Variants in SND1 observed in about 807,000 individuals in gnomAD.
SND1 encodes the protein staphylococcal nuclease domain-containing protein 1.
A neutral mutation model predicts 121.7 loss-of-function variants in SND1; 38 were observed. That is an observed-to-expected ratio of 0.31 (90% CI 0.24 to 0.41). SND1 has a LOEUF of 0.41. Ranked by LOEUF, SND1 falls within the 10% of genes least tolerant of loss-of-function variation. The pLI, the probability that SND1 is intolerant of heterozygous loss-of-function variation, is 1.00. For missense variants in SND1, 868 were observed against 1,184.6 expected (o/e 0.73, Z 3.92); for synonymous variants, 401 against 447.4 (o/e 0.90, Z 1.31).
At chr7:127,688,915 A>G (rs1422291883) in intron 2 of SND1, among the ~76,000 whole-genome samples, 2 of 152,218 alleles carry the variant, frequency 1.3e-5, no homozygotes, top group Non-Finnish European at 2.9e-5. Flanking sequence ...AGTTTTTAAA[A>G]TTATAATAAA....
intron 17 of SND1, among the ~76,000 whole-genome samples, chr7:128,075,302 T>C (rs536150155): frequency 1.1e-4 from 16 of 152,320 alleles, no homozygotes; most frequent in African/African-American, 3.8e-4. Context: ...TTTTGACTTA[T>C]AGCCCGGCCC....
At chr7:127,768,027 A>G (rs1797450887) in intron 10 of SND1, among the ~76,000 whole-genome samples, 1 of 152,168 alleles carries the variant, frequency 6.6e-6, no homozygotes, top group Non-Finnish European at 1.5e-5. Context: ...CCCTTTCCAT[A>G]CGTACCTGTC....
chr7:128,091,986 C>CT lies in SND1; in HGVS notation c.2668-5dup. 1 of 1,614,164 alleles carries CT rather than the reference C, an allele frequency of 6.2e-7. No homozygotes were observed. The highest frequency in any genetic ancestry group is 8.5e-7 in the Non-Finnish European group (1 of 1,180,006). On this transcript the variant is annotated splice_region_variant and splice_polypyrimidine_tract_variant and intron_variant, in intron 23 of 23. Transcript: ENST00000354725. ...CCTGAAGAGCTATTGTCTGTTTTTT[C>CT]TTACAGCTGAACCTGTGGCGCTATG...
intron 16 of SND1, among the ~76,000 whole-genome samples, chr7:128,043,743 C>T (rs1000905972): frequency 6.6e-6 from 1 of 151,312 alleles, no homozygotes; most frequent in Admixed American, 6.6e-5. Flanking sequence ...ATTTCTGCCC[C>T]TTTTCAGATA....
intron 15 of SND1, among the ~76,000 whole-genome samples, chr7:127,944,099 A>C (rs1452534724): frequency 6.6e-6 from 1 of 152,204 alleles, no homozygotes; most frequent in Admixed American, 6.5e-5. Context: ...GCTTGAATGC[A>C]TTTGTGCAGA....
At chr7:127,691,575 AAAAG>A (rs941004433) in intron 2 of SND1, among the ~76,000 whole-genome samples, 8 of 152,056 alleles carry the variant, frequency 5.3e-5, no homozygotes, top group African/African-American at 1.7e-4. Context: ...AAAACAAACT[AAAAG>A]AAGGTAAAAA....
At position 128,029,187 on chromosome 7, in the gene SND1, G is replaced by A. The variant is rs139266176; in HGVS notation, c.1779+38131G>A. 32 of 1,613,976 alleles carry A rather than the reference G, an allele frequency of 2.0e-5. No homozygotes were observed. Among genetic ancestry groups the A allele is most frequent in the South Asian group, 1.5e-4 (14 of 91,070 alleles). ...CACCGTGGTAGAGGTGGTATATGCC[G>A]GCTGGTAACCAGTGGACGTGGTAGG... On this transcript the variant is annotated intron_variant, in intron 16 of 23. Transcript: ENST00000354725. The surrounding 1 kb of genome is among the most constrained non-coding windows in gnomAD (Gnocchi z 4.2).
At chr7:127,969,995 C>T (rs1363273833) in intron 15 of SND1, among the ~76,000 whole-genome samples, 1 of 152,134 alleles carries the variant, frequency 6.6e-6, no homozygotes, top group Non-Finnish European at 1.5e-5. Context: ...GATCCAGTGC[C>T]CTACGCAGCA....
At chr7:127,986,898 T>C (rs1802404925) in intron 15 of SND1, among the ~76,000 whole-genome samples, 1 of 152,258 alleles carries the variant, frequency 6.6e-6, no homozygotes, top group Non-Finnish European at 1.5e-5. Flanking sequence ...GGATTTTTTT[T>C]TAAGTGTAGT....
chr7:127,740,745 G>A (rs907550513), intron 10 of SND1, among the ~76,000 whole-genome samples: 10 of 152,154 alleles, frequency 6.6e-5, no homozygotes, highest in Admixed American at 5.2e-4. Context: ...TGCTTCTGAT[G>A]TGCAGCTAGG....
chr7:127,857,183 CTTTTTTTTTTTTTT>C (rs71522259), intron 12 of SND1, among the ~76,000 whole-genome samples: 1 of 67,944 alleles, frequency 1.5e-5, no homozygotes, highest in Non-Finnish European at 3.0e-5. Flanking sequence ...AATGTCAACA[CTTTTTTTTTTTTTT>C]TTTTTTTTTT....
At chr7:128,082,940 C>T (rs974237151) in intron 18 of SND1, among the ~76,000 whole-genome samples, 1 of 152,162 alleles carries the variant, frequency 6.6e-6, no homozygotes, top group African/African-American at 2.4e-5. Context: ...AAGAGAAAAC[C>T]ATGTGTCCTT....
chr7:127,904,168 A>C (rs1457234702), intron 13 of SND1, among the ~76,000 whole-genome samples: 1 of 152,178 alleles, frequency 6.6e-6, no homozygotes. Context: ...TTCCCTGTTA[A>C]ATCCCCTCTT....
intron 15 of SND1, among the ~76,000 whole-genome samples, chr7:127,939,239 A>G (rs573572274): frequency 6.6e-6 from 1 of 152,318 alleles, no homozygotes; most frequent in African/African-American, 2.4e-5. Flanking sequence ...CCTTTTAGGA[A>G]GGACATCAGG....
At chr7:127,986,797 C>T (rs770238579) in intron 15 of SND1, among the ~76,000 whole-genome samples, 7 of 152,214 alleles carry the variant, frequency 4.6e-5, no homozygotes, top group Non-Finnish European at 8.8e-5. Flanking sequence ...TGTGCCTGCC[C>T]TTGTGGAAGT....
At chr7:128,027,080 C>T (rs1206883483) in intron 16 of SND1, 2 of 152,218 alleles carry the variant, frequency 1.3e-5, no homozygotes, top group East Asian at 3.9e-4. Context: ...ATTAAAAATT[C>T]AACAATATTT....
chr7:127,682,107 T>C (rs2116293690), intron 1 of SND1, among the ~76,000 whole-genome samples: 1 of 152,332 alleles, frequency 6.6e-6, no homozygotes. Context: ...TTCTGTCTTG[T>C]TGTGTCATTG....
chr7:127,652,402 C>A lies in SND1; in HGVS notation c.29C>A (p.Ser10Tyr). 1 of 1,597,854 alleles carries A rather than the reference C, an allele frequency of 6.3e-7. No individual in the cohort carries two copies. Among genetic ancestry groups the A allele is most frequent in the East Asian group, 2.3e-5 (1 of 44,162 alleles). The change falls in exon 1 of 24, where the codon TCC becomes TAC. Residue 10 changes from serine (S) to tyrosine (Y), a missense_variant. This residue lies in a region of SND1 where 125 missense variants were observed against 113.3 expected (regional missense o/e 1.10). Coordinates refer to ENST00000354725, the MANE Select transcript of SND1 (RefSeq NM_014390.4). ...GCGTCCTCCGCGCAGAGCGGCGGCT[C>A]CTCCGGGGGACCCGCGGTCCCCACC... is the stretch of plus-strand genomic sequence containing the variant. MASSAQSGGSSGGPAVPTVQ... is the reference protein window; with the variant it reads MASSAQSGGYSGGPAVPTVQ...
intron 2 of SND1, among the ~76,000 whole-genome samples, chr7:127,691,531 A>G (rs1484148711): frequency 6.6e-6 from 1 of 152,040 alleles, no homozygotes; most frequent in Non-Finnish European, 1.5e-5. Flanking sequence ...CGACAGAGCG[A>G]GACTCCGTCT....
Sources: gnomAD v4.1 joint callset for allele counts (sites outside exome capture counted in the v4.1 genomes callset) on GRCh38, gnomAD v4.1.1 for gene constraint, gnomAD v4.1.1 regional missense constraint, Gnocchi (gnomAD v3.1) non-coding constraint, MANE v1.5 for transcripts, NCBI Gene and HGNC (gene_info 2026-07-23, HGNC 2026-07-21) for gene names.